Variants in FBXL2 observed in about 807,000 individuals in gnomAD.
FBXL2 encodes the protein F-box and leucine rich repeat protein 2.
Under a neutral mutation model 69.2 loss-of-function variants are expected in FBXL2, and 38 were observed. The observed-to-expected ratio is 0.55, with a 90% CI of 0.42 to 0.72. The LOEUF (loss-of-function observed/expected upper bound fraction) is 0.72, where lower values mean the gene tolerates loss of function less well. FBXL2 is among the 30% of genes least tolerant of loss of function. The pLI is 0.00. For synonymous variants in FBXL2, 192 were observed against 201.3 expected (o/e 0.95, Z 0.39); for missense variants, 354 against 520.3 (o/e 0.68, Z 3.11).
chr3:33,419,668 T>C, the FBXL2 span, among the ~76,000 whole-genome samples: 2 of 151,394 alleles, frequency 1.3e-5, no homozygotes, highest in Non-Finnish European at 2.9e-5. Context: ...AAAGACTCTA[T>C]AACACTTGCT....
At chr3:33,320,798 A>G (rs2038138304) in intron 2 of FBXL2, among the ~76,000 whole-genome samples, 1 of 152,060 alleles carries the variant, frequency 6.6e-6, no homozygotes, top group Non-Finnish European at 1.5e-5. Context: ...TTTCTAAAAC[A>G]TGACACAAAA....
upstream of FBXL2, chr3:33,277,388 A>G (rs1477240048): frequency 2.2e-5 from 23 of 1,065,458 alleles, no homozygotes; most frequent in Admixed American, 4.3e-5. Flanking sequence ...CTCGCCGACC[A>G]CCAATGGCCG....
chr3:33,356,395 G>C (rs1020062671), intron 2 of FBXL2, among the ~76,000 whole-genome samples: 2 of 152,156 alleles, frequency 1.3e-5, no homozygotes, highest in Admixed American at 1.3e-4. Flanking sequence ...TCTGTCGCCA[G>C]GCTGGAGTGC....
intron 2 of FBXL2, among the ~76,000 whole-genome samples, chr3:33,312,185 T>C (rs950891690): frequency 2.0e-5 from 3 of 152,030 alleles, no homozygotes; most frequent in African/African-American, 7.2e-5. Context: ...GCCTCCTAAG[T>C]AGATGGGACC....
chr3:33,286,580 T>A (rs539290465), intron 1 of FBXL2, among the ~76,000 whole-genome samples: 93 of 152,360 alleles, frequency 6.1e-4, no homozygotes, highest in South Asian at 1.4e-3. Flanking sequence ...GACAGGGACA[T>A]TTAAGTCTGC....
chr3:33,336,664 T>G (rs957457107), intron 2 of FBXL2, among the ~76,000 whole-genome samples: 1 of 152,184 alleles, frequency 6.6e-6, no homozygotes, highest in South Asian at 2.1e-4. Context: ...CCTGGCACTT[T>G]GGGAGACCGA....
At chr3:33,413,015 A>T in the FBXL2 span, among the ~76,000 whole-genome samples, 1 of 152,218 alleles carries the variant, frequency 6.6e-6, no homozygotes, top group African/African-American at 2.4e-5. Context: ...TGGTGCAAAG[A>T]ATTATAACTC....
the FBXL2 span, chr3:33,416,150 G>C: frequency 9.2e-5 from 14 of 152,168 alleles, no homozygotes; most frequent in Admixed American, 9.2e-4. Context: ...CTAACACTTA[G>C]TTAGCCACAT....
At chr3:33,333,440 A>G (rs1051249491) in intron 2 of FBXL2, among the ~76,000 whole-genome samples, 2 of 152,214 alleles carry the variant, frequency 1.3e-5, no homozygotes, top group African/African-American at 4.8e-5. Context: ...TTAAGATAAT[A>G]GACATTATTA....
intron 2 of FBXL2, among the ~76,000 whole-genome samples, chr3:33,355,359 A>G (rs1222760122): frequency 2.0e-5 from 3 of 152,234 alleles, no homozygotes; most frequent in Non-Finnish European, 4.4e-5. Context: ...AAATTTTGAA[A>G]TGGATCATGT....
At chr3:33,370,535 T>G (rs1167423777) in intron 5 of FBXL2, among the ~76,000 whole-genome samples, 1 of 152,226 alleles carries the variant, frequency 6.6e-6, no homozygotes, top group Non-Finnish European at 1.5e-5. Context: ...ATAAATCTGC[T>G]GTCACCCTTA....
intron 10 of FBXL2, 74 bp downstream of exon 10, chr3:33,375,492 G>C (rs1559630362): frequency 1.9e-6 from 3 of 1,548,386 alleles, no homozygotes; most frequent in African/African-American, 1.4e-5. Flanking sequence ...CTTCAGGAGA[G>C]GACAGGCTTG....
At chr3:33,348,060 C>T (rs1390059780) in intron 2 of FBXL2, among the ~76,000 whole-genome samples, 2 of 152,030 alleles carry the variant, frequency 1.3e-5, no homozygotes, top group Non-Finnish European at 2.9e-5. Context: ...GCTTTAGTTG[C>T]CTGTGCTTGT....
chr3:33,364,720 G>T lies in FBXL2; in HGVS notation c.290+1G>T, dbSNP rs1287169840. On this transcript the variant is annotated splice_donor_variant, in intron 5 of 14. Transcript: ENST00000484457. LOFTEE classifies it high-confidence loss of function. ...TTGGTGTTGGGGATTCCTCCTTGAA[G>T]TAAGTCAAATCCAGTGACTCACTGT... 1 of 1,613,230 alleles carries T rather than the reference G, an allele frequency of 6.2e-7. No individual in the cohort carries two copies. The highest frequency in any genetic ancestry group is 1.3e-5 in the African/African-American group (1 of 74,902).
chr3:33,333,209 A>G (rs999462808), intron 2 of FBXL2, among the ~76,000 whole-genome samples: 15 of 152,220 alleles, frequency 9.9e-5, no homozygotes, highest in Admixed American at 5.2e-4. Flanking sequence ...ACACTTTTTA[A>G]AAAAACAAAA....
intron 2 of FBXL2, among the ~76,000 whole-genome samples, chr3:33,341,832 G>GAA (rs56386082): frequency 1.2e-4 from 7 of 58,514 alleles, no homozygotes; most frequent in Admixed American, 7.4e-4. Context: ...TCCGTCTCAG[G>GAA]AAAAAAAAAA....
intron 12 of FBXL2, chr3:33,397,089 A>G (rs1358844297): frequency 1.9e-6 from 3 of 1,603,162 alleles, no homozygotes; most frequent in Non-Finnish European, 2.6e-6. Context: ...CGGCTGCACC[A>G]CAAATTTGAA....
rs1361078128 is a variant in FBXL2 at position 33,385,992 on chromosome 3, TCTAC to T, written c.*387_*390del. The T allele has an allele frequency of 1.6e-5, 3 of 192,518 alleles. No individual in the cohort carries two copies. In the Admixed American group the frequency reaches 1.6e-4, roughly 10 times the overall value. The allele number at this position is 192,518 out of a possible 1,614,324, so 11.9% of individuals were successfully genotyped here. Reference sequence around the variant, plus strand: ...AGCAGAAAAAATAAGCTGTTGATTTTCTACCTGATACTTAAGCCAGTGGCCTACT... The same window carrying T: ...AGCAGAAAAAATAAGCTGTTGATTTTCTGATACTTAAGCCAGTGGCCTACT... On this transcript the variant is annotated 3_prime_UTR_variant, in exon 15 of 15. Transcript: ENST00000484457.
At chr3:33,365,549 G>T (rs562585788) in intron 5 of FBXL2, among the ~76,000 whole-genome samples, 11 of 152,232 alleles carry the variant, frequency 7.2e-5, no homozygotes, top group Non-Finnish European at 1.2e-4. Context: ...GGGATTACAG[G>T]TGTGAGCCAC....
Sources: allele counts gnomAD v4.1 joint callset (sites outside exome capture counted in the v4.1 genomes callset), GRCh38; gene constraint gnomAD v4.1.1; transcripts MANE v1.5; gene names NCBI Gene and HGNC (gene_info 2026-07-23, HGNC 2026-07-21).